The following FBXL17 variants were observed in gnomAD, a reference collection of about 807,000 sequenced individuals.
FBXL17 encodes F-box/LRR-repeat protein 17.
In FBXL17, 22 loss-of-function variants were observed where a neutral mutation model predicts 66.2. That is an observed-to-expected ratio of 0.33 (90% CI 0.24 to 0.47). The LOEUF (loss-of-function observed/expected upper bound fraction) is 0.47. Among genes scored for constraint, FBXL17 ranks in the 20% least tolerant of loss-of-function variants. The pLI is 1.00. For synonymous variants in FBXL17, 474 were observed against 400.5 expected, an observed-to-expected ratio of 1.18 and a Z score of -2.19; for missense variants, 878 against 948.2, an observed-to-expected ratio of 0.93 and a Z score of 0.97.
At chr5:108,371,219 C>G (rs964405638) in intron 1 of FBXL17, among the ~76,000 whole-genome samples, 1 of 152,068 alleles carries the variant, frequency 6.6e-6, no homozygotes, top group Non-Finnish European at 1.5e-5. Flanking sequence ...CAATATAGAC[C>G]CCAAAAGTAA....
In FBXL17 at chr5:108,122,706, G is replaced by A. The variant is rs561709098; in HGVS notation, c.1745+63411C>T. Among the ~76,000 whole-genome samples the A allele has an allele frequency of 1.2e-4, 18 of 152,274 alleles. No individual in the cohort carries two copies. In the East Asian group the frequency reaches 3.5e-3, roughly 29 times the overall value. On this transcript the variant is annotated intron_variant, in intron 6 of 8. Coordinates refer to ENST00000542267, the MANE Select transcript of FBXL17 (RefSeq NM_001163315.3). ...TATACTCAAAGTCAGGGAGGCAAAT[G>A]CAAATGACTCTTAATATTGTCTACT...
Position 108,381,393 on chromosome 5 carries a change from A to G in FBXL17, c.299T>C (p.Leu100Pro). 1 of 1,319,666 alleles carries G rather than the reference A, an allele frequency of 7.6e-7. No individual in the cohort carries two copies. The highest frequency in any genetic ancestry group is 2.2e-5 in the South Asian group (1 of 45,440). 81.7% of individuals were successfully genotyped at this position (1,319,666 alleles called of 1,614,324 possible). A position where few individuals can be genotyped will look rare whatever the true frequency, so the allele number is the denominator to read the frequency against. ...AYAAASSSQH[L>P]ARRYAALAAE... ...GGCCAGGGCCGCGTAGCGCCGCGCC[A>G]GGTGCTGAGAGGAGGAGGCGGCAGC... is the stretch of plus-strand genomic sequence containing the variant. The change falls in exon 1 of 9, where the codon CTG becomes CCG. Residue 100 changes from leucine to proline, a missense_variant. This residue lies in a region of FBXL17 where 605 missense variants were observed against 509.5 expected (regional missense o/e 1.19). Transcript: ENST00000542267.
chr5:108,269,275 C>T (rs980887851), intron 4 of FBXL17, among the ~76,000 whole-genome samples: 3 of 152,022 alleles, frequency 2.0e-5, no homozygotes, highest in African/African-American at 4.8e-5. Context: ...CAATATGCCA[C>T]TCAAAGTGGC....
chr5:107,964,267 T>C (rs1752032257), intron 7 of FBXL17, among the ~76,000 whole-genome samples: 1 of 152,130 alleles, frequency 6.6e-6, no homozygotes, highest in Admixed American at 6.6e-5. Flanking sequence ...GCTGGCAGAA[T>C]TGCTGCTGCC....
chr5:107,988,660 T>A (rs377152148), intron 7 of FBXL17, among the ~76,000 whole-genome samples: 31 of 152,142 alleles, frequency 2.0e-4, no homozygotes, highest in African/African-American at 7.2e-4. Context: ...GATGATAGTT[T>A]TTAAATGTAA....
intron 7 of FBXL17, among the ~76,000 whole-genome samples, chr5:107,909,583 C>A (rs140828152): frequency 6.6e-6 from 1 of 152,282 alleles, no homozygotes; most frequent in Non-Finnish European, 1.5e-5. Context: ...TTCAGCCTAT[C>A]CTGCATCATA....
At chr5:108,364,612 T>C (rs755374008) in intron 3 of FBXL17, 126 bp downstream of exon 3, 1 of 705,314 alleles carries the variant, frequency 1.4e-6, no homozygotes, top group East Asian at 2.7e-5. Flanking sequence ...TATTCATTAA[T>C]AGGTAAAAAA....
rs985318588 is a variant in FBXL17, at chr5:108,364,727, C to T, written c.1374+11G>A. ...TTCAAGTAAAATCACTTTATAAATG[C>T]TAAAATTTACCTGCTTGAGTCCTTC... On this transcript the variant is annotated intron_variant, in intron 3 of 8. Coordinates refer to ENST00000542267, the MANE Select transcript of FBXL17 (RefSeq NM_001163315.3). 24 of 1,582,320 alleles carry T rather than the reference C, an allele frequency of 1.5e-5. No individual in the cohort carries two copies. The highest frequency in any genetic ancestry group is 2.1e-5 in the Non-Finnish European group (24 of 1,162,106).
chr5:108,232,805 A>ATATATATATATATATATAT (rs70996987), intron 4 of FBXL17, among the ~76,000 whole-genome samples: 38 of 105,084 alleles, frequency 3.6e-4, no homozygotes, highest in Non-Finnish European at 6.3e-4. Flanking sequence ...ATATATATAT[A>ATATATATATATATATATAT]ATATATACTA....
chr5:107,924,695 A>C lies in FBXL17; in HGVS notation c.1823-43516T>G, dbSNP rs577792438. Reference sequence around the variant, plus strand: ...TGGACTTAACCAGGCAATTGTGAGGATCTGCCCTAAGAAGAATCTTAGGAA... The same window carrying C: ...TGGACTTAACCAGGCAATTGTGAGGCTCTGCCCTAAGAAGAATCTTAGGAA... On this transcript the variant is annotated intron_variant, in intron 7 of 8. Transcript: ENST00000542267. Among the ~76,000 whole-genome samples, 11 of 152,310 alleles carry C rather than the reference A, an allele frequency of 7.2e-5. No homozygotes were observed. The South Asian group carries it at 2.3e-3, about 32-fold the overall frequency.
intron 4 of FBXL17, among the ~76,000 whole-genome samples, chr5:108,295,688 G>A (rs1178535137): frequency 6.6e-6 from 1 of 151,936 alleles, no homozygotes; most frequent in Non-Finnish European, 1.5e-5. Flanking sequence ...AGATCTTCCA[G>A]TAATACAATC....
At chr5:108,027,853 C>T (rs288161) in intron 6 of FBXL17, among the ~76,000 whole-genome samples, 23,879 of 152,036 alleles carry the variant, frequency 0.16, 2,240 homozygotes, top group South Asian at 0.41. Flanking sequence ...TCGGTAGAAA[C>T]ACATGTAGTT....
At chr5:108,179,852 A>G (rs1752933877) in intron 6 of FBXL17, among the ~76,000 whole-genome samples, 1 of 152,218 alleles carries the variant, frequency 6.6e-6, no homozygotes, top group African/African-American at 2.4e-5. Flanking sequence ...CTCAATTTAA[A>G]AAGAACCATA....
intron 6 of FBXL17, among the ~76,000 whole-genome samples, chr5:108,055,823 T>G (rs1340685524): frequency 6.6e-6 from 1 of 151,958 alleles, no homozygotes; most frequent in East Asian, 1.9e-4. Flanking sequence ...GATTTTCAAG[T>G]GCACTTCCTA....
intron 5 of FBXL17, among the ~76,000 whole-genome samples, chr5:108,195,964 C>T (rs1753664444): frequency 6.6e-6 from 1 of 151,932 alleles, no homozygotes; most frequent in Non-Finnish European, 1.5e-5. Flanking sequence ...GCTTGAGATG[C>T]CTAGATAACC....
intron 6 of FBXL17, among the ~76,000 whole-genome samples, chr5:108,173,608 C>T (rs1340110346): frequency 2.6e-5 from 4 of 152,162 alleles, no homozygotes; most frequent in East Asian, 1.9e-4. Context: ...TAATACAATA[C>T]AACCTATTTT....
chr5:108,187,973 C>T (rs1354308002), intron 5 of FBXL17, among the ~76,000 whole-genome samples: 1 of 152,242 alleles, frequency 6.6e-6, no homozygotes, highest in African/African-American at 2.4e-5. Flanking sequence ...TCACTAATCA[C>T]TTGTACCTAC....
intron 7 of FBXL17, among the ~76,000 whole-genome samples, chr5:107,948,664 C>T (rs929865107): frequency 2.0e-5 from 3 of 152,294 alleles, no homozygotes; most frequent in South Asian, 2.1e-4. Context: ...TGAATTAAAC[C>T]CAAATTTCTT....
At chr5:107,999,719 CTATCTT>C (rs1380152199) in intron 7 of FBXL17, among the ~76,000 whole-genome samples, 1 of 152,134 alleles carries the variant, frequency 6.6e-6, no homozygotes, top group East Asian at 1.9e-4. Context: ...GGAGGCAGGT[CTATCTT>C]TATCTTTATG....
Sources: gnomAD v4.1 joint callset for allele counts (sites outside exome capture counted in the v4.1 genomes callset) on GRCh38, gnomAD v4.1.1 for gene constraint, gnomAD v4.1.1 regional missense constraint, MANE v1.5 for transcripts, NCBI Gene and HGNC (gene_info 2026-07-23, HGNC 2026-07-21) for gene names.